TUBD1: variants seen among roughly 807,000 people sequenced by gnomAD.
TUBD1 encodes tubulin delta 1.
Under a neutral mutation model 51.2 loss-of-function variants are expected in TUBD1, and 38 were observed. That is an observed-to-expected ratio of 0.74 (90% CI 0.57 to 0.97). TUBD1 has a LOEUF of 0.97. Ranked by LOEUF, TUBD1 falls within the 50% of genes least tolerant of loss-of-function variation. The pLI is 0.00. For missense variants in TUBD1, 489 were observed against 538.4 expected, an observed-to-expected ratio of 0.91 and a Z score of 0.91; for synonymous variants, 169 against 178.2, an observed-to-expected ratio of 0.95 and a Z score of 0.41.
At position 59,890,934 on chromosome 17, in the gene TUBD1, C is replaced by T. The variant is rs747022515; in HGVS notation, c.69G>A (p.Leu23=). 6.2e-7 allele frequency: 1 copy of T among 1,613,928 alleles called. No individual in the cohort carries two copies. The highest frequency in any genetic ancestry group is 1.1e-5 in the South Asian group (1 of 91,064). ...CCTGGGAACTGTGTGAGTCACTAAG[C>T]AAAGCATCAAAAACTTCAAAACCAA... ...NQIGFEVFDA[L]LSDSHSSQGL... The change falls in exon 2 of 9, where the codon TTG becomes TTA. Residue 23 remains leucine (L), a synonymous_variant. Coordinates refer to ENST00000325752, the MANE Select transcript of TUBD1 (RefSeq NM_016261.4).
Position 59,868,859 on chromosome 17 carries a change from A to G in TUBD1, c.935-2110T>C, listed in dbSNP as rs145433937. On this transcript the variant is annotated intron_variant, in intron 6 of 8. Transcript: ENST00000325752. ...TCAAAAAATAAATAAATAAATAAAT[A>G]AATAAGAAAATTAGTCACTTATGGT... 9.7e-3 allele frequency among the ~76,000 whole-genome samples: 1,471 copies of G among 151,274 alleles called. 36 individuals are homozygous for G. Among genetic ancestry groups the G allele is most frequent in the Non-Finnish European group, 9.6e-3 (647 of 67,742 alleles).
At chr17:59,869,251 A>G (rs2039867009) in intron 6 of TUBD1, among the ~76,000 whole-genome samples, 1 of 151,760 alleles carries the variant, frequency 6.6e-6, no homozygotes, top group Non-Finnish European at 1.5e-5. Flanking sequence ...CAAGGCGGGC[A>G]AATCACAAGG....
intron 7 of TUBD1, among the ~76,000 whole-genome samples, chr17:59,864,418 T>C (rs1229810577): frequency 6.6e-6 from 1 of 152,064 alleles, no homozygotes; most frequent in South Asian, 2.1e-4. Flanking sequence ...AGTGCTAGGA[T>C]TATAGGCATG....
intron 2 of TUBD1, among the ~76,000 whole-genome samples, chr17:59,888,270 T>A (rs979233358): frequency 2.0e-5 from 3 of 151,968 alleles, no homozygotes; most frequent in African/African-American, 7.3e-5. Context: ...GGAGGATGGA[T>A]GTGATAGACA....
chr17:59,861,918 G>A (rs2039467378), intron 8 of TUBD1, among the ~76,000 whole-genome samples: 1 of 151,274 alleles, frequency 6.6e-6, no homozygotes, highest in South Asian at 2.1e-4. Context: ...CGCCCACCTT[G>A]GCCTCCCAAA....
intron 7 of TUBD1, among the ~76,000 whole-genome samples, chr17:59,864,301 ATGCC>A (rs1260347110): frequency 2.0e-5 from 3 of 151,198 alleles, no homozygotes; most frequent in Non-Finnish European, 4.4e-5. Context: ...GCCCGCCACC[ATGCC>A]TGCCTAATTG....
intron 7 of TUBD1, among the ~76,000 whole-genome samples, chr17:59,864,203 T>G (rs1306207170): frequency 6.6e-6 from 1 of 151,818 alleles, no homozygotes; most frequent in Non-Finnish European, 1.5e-5. Flanking sequence ...TGGGGTGCAG[T>G]GGCATGATGT....
At chr17:59,862,817 C>T (rs1051332852) in intron 8 of TUBD1, among the ~76,000 whole-genome samples, 117 of 148,782 alleles carry the variant, frequency 7.9e-4, no homozygotes, top group African/African-American at 2.5e-3. Context: ...CTCCGCCTCC[C>T]GGGTTCACGC....
At chr17:59,875,838 T>C (rs925991163) in intron 5 of TUBD1, among the ~76,000 whole-genome samples, 13 of 152,294 alleles carry the variant, frequency 8.5e-5, no homozygotes, top group East Asian at 1.9e-4. Flanking sequence ...TTTAGAAACT[T>C]GTATTTACAA....
rs952048126 is a variant in TUBD1 at position 59,890,944 on chromosome 17, A to C, written c.59T>G (p.Phe20Cys). ...QCGNQIGFEVFDALLSDSHSS... is the reference protein window; with the variant it reads ...QCGNQIGFEVCDALLSDSHSS... Reference sequence around the variant, plus strand: ...GTGTGAGTCACTAAGCAAAGCATCAAAAACTTCAAAACCAATCTGATTGCC... The same window carrying C: ...GTGTGAGTCACTAAGCAAAGCATCACAAACTTCAAAACCAATCTGATTGCC... Residue 20 changes from phenylalanine to cysteine, a missense_variant, in exon 2 of 9, where the codon TTT (phenylalanine) becomes TGT (cysteine). By Grantham distance (205) the Phe-to-Cys change is radical (BLOSUM62 -2). Coordinates refer to ENST00000325752, the MANE Select transcript of TUBD1 (RefSeq NM_016261.4). 1 of 1,614,016 alleles carries C rather than the reference A, an allele frequency of 6.2e-7. No homozygotes were observed. The highest frequency in any genetic ancestry group is 8.5e-7 in the Non-Finnish European group (1 of 1,179,998).
chr17:59,863,595 C>G (rs2039561914), intron 8 of TUBD1, 69 bp downstream of exon 8: 1 of 1,283,284 alleles, frequency 7.8e-7, no homozygotes, highest in Admixed American at 3.0e-5. Context: ...CCAGCCTGGG[C>G]AACAGAGTGA....
intron 3 of TUBD1, among the ~76,000 whole-genome samples, chr17:59,882,265 CTTTT>C (rs2040521511): frequency 6.6e-6 from 1 of 151,886 alleles, no homozygotes. Flanking sequence ...CTATTTTCTC[CTTTT>C]TTATTTTTTT....
rs117952696 is a variant in TUBD1, at chr17:59,888,474, C to G, written c.173-2244G>C. Among the ~76,000 whole-genome samples the G allele has an allele frequency of 8.7e-3, 1,323 of 152,192 alleles. 11 individuals are homozygous for G. Among genetic ancestry groups the G allele is most frequent in the Non-Finnish European group, 0.014 (919 of 68,024 alleles). ...AGAGCACAAGGAACAATAATGAATG[C>G]CTTGGGAATAGAGATGTTGAGTTTC... On this transcript the variant is annotated intron_variant, in intron 2 of 8. Transcript: ENST00000325752.
intron 6 of TUBD1, 93 bp downstream of exon 6, chr17:59,874,446 T>C: frequency 8.0e-7 from 1 of 1,251,268 alleles, no homozygotes; most frequent in Non-Finnish European, 1.1e-6. Flanking sequence ...AAAGGGACCA[T>C]TATTTAAACT....
chr17:59,863,349 G>A (rs2039547870), intron 8 of TUBD1, among the ~76,000 whole-genome samples: 2 of 152,200 alleles, frequency 1.3e-5, no homozygotes, highest in African/African-American at 4.8e-5. Context: ...GGTGGCTTAC[G>A]CCTGTAATGC....
chr17:59,890,908 C>A lies in TUBD1; in HGVS notation c.95G>T (p.Gly32Val). Residue 32 changes from glycine to valine, a missense_variant, in exon 2 of 9, where the codon GGA (glycine) becomes GTA (valine). Coordinates refer to ENST00000325752, the MANE Select transcript of TUBD1 (RefSeq NM_016261.4). ...ALLSDSHSSQ[G>V]LCSMRENEAY... ...CTCATTCTCTCTCATAGAGCAGAGT[C>A]CCTGGGAACTGTGTGAGTCACTAAG... The A allele has an allele frequency of 6.2e-7, 1 of 1,613,942 alleles. No homozygotes were observed. Among genetic ancestry groups the A allele is most frequent in the Non-Finnish European group, 8.5e-7 (1 of 1,179,988 alleles).
intron 2 of TUBD1, among the ~76,000 whole-genome samples, chr17:59,889,473 C>T (rs2040887723): frequency 6.6e-6 from 1 of 150,756 alleles, no homozygotes. Context: ...TCGAGACCAG[C>T]CTGACCAACA....
chr17:59,891,598 C>T (rs1450482826), intron 1 of TUBD1, among the ~76,000 whole-genome samples: 1 of 152,078 alleles, frequency 6.6e-6, no homozygotes, highest in African/African-American at 2.4e-5. Flanking sequence ...TCAATAGTTT[C>T]CAAAATCTGA....
rs1568302184 is a variant in TUBD1, at chr17:59,874,695, T to C, written c.778A>G (p.Met260Val). 3 of 1,608,840 alleles carry C rather than the reference T, an allele frequency of 1.9e-6. No homozygotes were observed. The highest frequency in any genetic ancestry group is 2.5e-6 in the Non-Finnish European group (3 of 1,178,976). ...TCAGGATGGGGAACTAAATGCTCCATTAAGTCTCCTGTAAAGAAAAAAAAA... is the reference window on the plus strand; with the variant it reads ...TCAGGATGGGGAACTAAATGCTCCACTAAGTCTCCTGTAAAGAAAAAAAAA... The part of the protein sequence containing the change: ...HYRRNPLGDL[M>V]EHLVPHPEFK... The change falls in exon 6 of 9, where the codon ATG (methionine) becomes GTG (valine). Residue 260 changes from methionine to valine, a missense_variant. Met to Val is a conservative substitution (Grantham distance 21, BLOSUM62 1). Coordinates refer to ENST00000325752, the MANE Select transcript of TUBD1 (RefSeq NM_016261.4).
Sources: gnomAD v4.1 joint callset for allele counts (sites outside exome capture counted in the v4.1 genomes callset) on GRCh38, gnomAD v4.1.1 for gene constraint, MANE v1.5 for transcripts, NCBI Gene and HGNC (gene_info 2026-07-23, HGNC 2026-07-21) for gene names.